RALGAPA1: variants seen among roughly 807,000 people sequenced by gnomAD.
RALGAPA1 encodes Ral GTPase activating protein catalytic subunit alpha 1, also known as ral GTPase-activating protein subunit alpha-1.
A neutral mutation model predicts 269.6 loss-of-function variants in RALGAPA1; 52 were observed. The observed-to-expected ratio is 0.19, with a 90% CI of 0.15 to 0.24. RALGAPA1 has a LOEUF of 0.24. Ranked by LOEUF, RALGAPA1 falls within the 10% of genes least tolerant of loss-of-function variation. RALGAPA1 has a pLI of 1.00. For synonymous variants in RALGAPA1, 817 were observed against 1,008.3 expected (o/e 0.81, Z 3.60); for missense variants, 1,917 against 3,013.9 (o/e 0.64, Z 8.52).
At chr14:35,737,187 T>G (rs2071084885) in intron 12 of RALGAPA1, among the ~76,000 whole-genome samples, 1 of 151,786 alleles carries the variant, frequency 6.6e-6, no homozygotes. Flanking sequence ...CAAATTAAAA[T>G]GGAAAAACAC....
intron 7 of RALGAPA1, chr14:35,756,483 T>A (rs114629850): frequency 0.022 from 3,492 of 159,630 alleles, 130 homozygotes; most frequent in South Asian, 0.14. Flanking sequence ...GAAGAGGGAA[T>A]TTTTTTAACT....
At chr14:35,752,297 A>G (rs1285964626) in intron 7 of RALGAPA1, 135 bp from the exon 8 acceptor site, 1 of 1,015,304 alleles carries the variant, frequency 9.8e-7, no homozygotes, top group Non-Finnish European at 1.3e-6. Flanking sequence ...GATACATAGC[A>G]TAAGGACAAA....
chr14:35,587,893 A>G (rs929088067), intron 37 of RALGAPA1, among the ~76,000 whole-genome samples: 7 of 152,088 alleles, frequency 4.6e-5, no homozygotes, highest in African/African-American at 1.7e-4. Context: ...AATAAAACTC[A>G]ATCATTTAAC....
intron 1 of RALGAPA1, among the ~76,000 whole-genome samples, chr14:35,806,970 C>T (rs1253124178): frequency 6.6e-6 from 1 of 152,102 alleles, no homozygotes; most frequent in African/African-American, 2.4e-5. Context: ...CAAGCTAAGT[C>T]CTACAAAATG....
chr14:35,800,709 A>T (rs2076901534), intron 1 of RALGAPA1, among the ~76,000 whole-genome samples: 1 of 152,236 alleles, frequency 6.6e-6, no homozygotes, highest in African/African-American at 2.4e-5. Context: ...TAGAAGAAAG[A>T]AAGTAACAAA....
intron 33 of RALGAPA1, among the ~76,000 whole-genome samples, chr14:35,628,320 C>T (rs954985611): frequency 6.6e-6 from 1 of 151,940 alleles, no homozygotes; most frequent in African/African-American, 2.4e-5. Context: ...GAGGCTGAGG[C>T]GGGAGGATTG....
chr14:35,636,695 A>G (rs1036479025), intron 31 of RALGAPA1, among the ~76,000 whole-genome samples: 1 of 151,970 alleles, frequency 6.6e-6, no homozygotes, highest in Non-Finnish European at 1.5e-5. Context: ...TAAGTTTTGT[A>G]TTTTTAGGAG....
chr14:35,619,216 T>C (rs562879064), intron 35 of RALGAPA1, among the ~76,000 whole-genome samples: 148 of 152,020 alleles, frequency 9.7e-4, no homozygotes, highest in Non-Finnish European at 1.6e-3. Context: ...CAAGATTACA[T>C]GAAAAAAGAT....
chr14:35,792,777 C>CA (rs573027253), intron 1 of RALGAPA1, among the ~76,000 whole-genome samples: 14,181 of 45,686 alleles, frequency 0.31, 1,296 homozygotes, highest in South Asian at 0.39. Flanking sequence ...GACCCTGTCT[C>CA]AAAAAAAAAA....
intron 39 of RALGAPA1, among the ~76,000 whole-genome samples, chr14:35,560,869 C>G (rs1340303635): frequency 6.6e-6 from 1 of 152,118 alleles, no homozygotes; most frequent in Non-Finnish European, 1.5e-5. Context: ...ACATTTATTG[C>G]TTTTTGAAAG....
At chr14:35,742,130 T>G (rs1164150118) in intron 11 of RALGAPA1, among the ~76,000 whole-genome samples, 1 of 152,222 alleles carries the variant, frequency 6.6e-6, no homozygotes, top group Non-Finnish European at 1.5e-5. Flanking sequence ...ATCTAGACAA[T>G]GGCTTAAAGA....
chr14:35,557,300 GA>G (rs66542011), intron 39 of RALGAPA1, among the ~76,000 whole-genome samples: 23,463 of 112,942 alleles, frequency 0.21, 3,277 homozygotes, highest in African/African-American at 0.41. Flanking sequence ...ACTGCAAAAA[GA>G]AAAAAAAAAA....
At chr14:35,545,185 C>A (rs1279977139) in intron 41 of RALGAPA1, among the ~76,000 whole-genome samples, 1 of 152,034 alleles carries the variant, frequency 6.6e-6, no homozygotes, top group East Asian at 1.9e-4. Flanking sequence ...TATTTCAGAT[C>A]ATTTCAAAGC....
At chr14:35,750,796 T>TTTCAGAA in intron 8 of RALGAPA1, 106 bp from the exon 9 acceptor site, 1 of 960,792 alleles carries the variant, frequency 1.0e-6, no homozygotes, top group South Asian at 1.8e-5. Context: ...GCTACTCTGG[T>TTTCAGAA]TTCAGAAGTA....
intron 21 of RALGAPA1, 73 bp from the exon 22 acceptor site, chr14:35,678,175 CT>C (rs2065123021): frequency 7.1e-7 from 1 of 1,409,428 alleles, no homozygotes; most frequent in African/African-American, 1.5e-5. Flanking sequence ...GCTTAACACC[CT>C]AAATAAAAGA....
rs755450644 is a variant in RALGAPA1 at position 35,715,963 on chromosome 14, C to T, written c.2266+5725G>A. On this transcript the variant is annotated intron_variant, in intron 16 of 41. Transcript: ENST00000680220. Reference sequence around the variant, plus strand: ...CTCTATTTGCAAACCAGTGGTACGACGAAATGCTAGCAAGAATATCTAATA... The same window carrying T: ...CTCTATTTGCAAACCAGTGGTACGATGAAATGCTAGCAAGAATATCTAATA... 9 of 985,126 alleles carry T rather than the reference C, an allele frequency of 9.1e-6. No homozygotes were observed. The African/African-American group carries it at 1.0e-4, about 11-fold the overall frequency. The allele number at this position is 985,126 out of a possible 1,614,324, so 61.0% of individuals were successfully genotyped here.
intron 1 of RALGAPA1, among the ~76,000 whole-genome samples, chr14:35,805,478 C>T (rs763016499): frequency 1.3e-5 from 2 of 150,568 alleles, no homozygotes; most frequent in African/African-American, 2.4e-5. Flanking sequence ...ATAAAATGAC[C>T]GTACTGCATA....
chr14:35,671,634 A>G, intron 25 of RALGAPA1, 117 bp from the exon 26 acceptor site: 2 of 495,090 alleles, frequency 4.0e-6, no homozygotes, highest in Non-Finnish European at 7.3e-6. Flanking sequence ...ATTACTGTAC[A>G]TTGGCTAACT....
chr14:35,687,250 CATT>C (rs1431848357), intron 18 of RALGAPA1, among the ~76,000 whole-genome samples: 1 of 152,082 alleles, frequency 6.6e-6, no homozygotes, highest in African/African-American at 2.4e-5. Context: ...TTTATCACTA[CATT>C]ATTATTATTT....
Sources: gnomAD v4.1 joint callset for allele counts (sites outside exome capture counted in the v4.1 genomes callset) on GRCh38, gnomAD v4.1.1 for gene constraint, MANE v1.5 for transcripts, NCBI Gene and HGNC (gene_info 2026-07-23, HGNC 2026-07-21) for gene names.